The following YTHDC1 variants were observed in gnomAD, a reference collection of about 807,000 sequenced individuals.
YTHDC1 encodes the protein YTH domain-containing protein 1.
A neutral mutation model predicts 107.0 loss-of-function variants in YTHDC1; 12 were observed. The ratio of observed to expected loss-of-function variants is 0.11; its 90% CI spans 0.07 to 0.18. The LOEUF (loss-of-function observed/expected upper bound fraction) is 0.18. YTHDC1 is among the 10% of genes least tolerant of loss of function. The probability of loss-of-function intolerance (pLI) is 1.00; values close to 1 mark genes in which losing one functional copy is unlikely to be tolerated. For missense variants in YTHDC1, 635 were observed against 898.8 expected (o/e 0.71, Z 3.75); for synonymous variants, 280 against 289.5 (o/e 0.97, Z 0.33).
chr4:68,332,964 C>G, intron 5 of YTHDC1, 117 bp from the exon 6 acceptor site: 1 of 832,160 alleles, frequency 1.2e-6, no homozygotes, highest in Non-Finnish European at 1.9e-6. Context: ...CCTGGCGCAC[C>G]CACACACACA....
At chr4:68,338,034 T>A (rs1239792271) in intron 2 of YTHDC1, 134 bp from the exon 3 acceptor site, 2 of 1,459,490 alleles carry the variant, frequency 1.4e-6, no homozygotes. Flanking sequence ...CTGAGAGATT[T>A]CTTCTCCAGA....
chr4:68,335,810 C>A (rs1724094776), intron 4 of YTHDC1, among the ~76,000 whole-genome samples: 1 of 151,430 alleles, frequency 6.6e-6, no homozygotes, highest in Non-Finnish European at 1.5e-5. Flanking sequence ...TATGTTTTTA[C>A]AACAAATCCA....
chr4:68,312,288 GTCTC>G lies in YTHDC1; in HGVS notation c.*1807_*1810del, dbSNP rs1200816207. The G allele has an allele frequency of 6.6e-6, 1 of 152,102 alleles. No homozygotes were observed. The highest frequency in any genetic ancestry group is 1.5e-5 in the Non-Finnish European group (1 of 68,010). 9.4% of individuals were successfully genotyped at this position (152,102 alleles called of 1,614,324 possible). ...ATGAGTCTGTATATAAAAGCACAAA[GTCTC>G]TATTGCATACAAAGTGCTCAGTATT... On this transcript the variant is annotated 3_prime_UTR_variant, in exon 17 of 17. Transcript: ENST00000344157.
rs771969529 is a variant in YTHDC1 at position 68,311,065 on chromosome 4, G to C, written c.*3034C>G. 2.6e-5 allele frequency: 4 copies of C among 152,108 alleles called. No homozygotes were observed. Among genetic ancestry groups the C allele is most frequent in the Admixed American group, 6.6e-5 (1 of 15,266 alleles). 9.4% of individuals were successfully genotyped at this position (152,108 alleles called of 1,614,324 possible). A position where few individuals can be genotyped will look rare whatever the true frequency, so the allele number is the denominator to read the frequency against. On this transcript the variant is annotated 3_prime_UTR_variant, in exon 17 of 17. Coordinates refer to ENST00000344157, the MANE Select transcript of YTHDC1 (RefSeq NM_001031732.4). ...TCCTTCCTGATGTAATCCTCACAGA[G>C]GTGACCATAACATGTGCCTCTCTTG...
At chr4:68,331,387 C>T (rs1255487672) in intron 7 of YTHDC1, among the ~76,000 whole-genome samples, 1 of 151,858 alleles carries the variant, frequency 6.6e-6, no homozygotes, top group Non-Finnish European at 1.5e-5. Flanking sequence ...TAGGGGTAGT[C>T]CTTAAGGTAG....
Position 68,338,323 on chromosome 4 carries a change from C to G in YTHDC1, c.90G>C (p.Leu30=), listed in dbSNP as rs1469652190. The G allele has an allele frequency of 2.5e-6, 4 of 1,609,002 alleles. No individual in the cohort carries two copies. In the East Asian group the frequency reaches 8.9e-5, roughly 36 times the overall value. The change falls in exon 2 of 17, where the codon CTG becomes CTC. Residue 30 remains leucine (L), a synonymous_variant. Transcript: ENST00000344157. ...LTEVPEQDDE[L]YNPESEQDKN... ...TATCTTGTTCACTCTCTGGATTATA[C>G]AGTTCATCATCTTGTTCTGGTACTT...
rs1425242727 is a variant in YTHDC1 at position 68,337,012 on chromosome 4, TA to T, written c.883+14del. 2 of 1,556,690 alleles carry T rather than the reference TA, an allele frequency of 1.3e-6. No individual in the cohort carries two copies. On this transcript the variant is annotated intron_variant, in intron 4 of 16. Transcript: ENST00000344157. ...GCTTTTTTTAAGACAAACTTTTACA[TA>T]TAAAAAGTAGTACCTGATCCATCTG...
chr4:68,331,540 A>G lies in YTHDC1; in HGVS notation c.1122+563T>C, dbSNP rs73823658. ...AACAGCTAGTGTAACACAAAAATGT[A>G]TTTTTGTAGCCAAACATAAAAAGAA... On this transcript the variant is annotated intron_variant, in intron 7 of 16. Transcript: ENST00000344157. Among the ~76,000 whole-genome samples, 532 of 152,278 alleles carry G rather than the reference A, an allele frequency of 3.5e-3. 6 individuals carry two copies. Among genetic ancestry groups the G allele is most frequent in the African/African-American group, 0.012 (510 of 41,574 alleles).
In YTHDC1 at chr4:68,332,819, T is replaced by C; in HGVS notation, c.1002A>G (p.Ser334=). ...AGSEKKHEKL[S]SSVRAVRKDQ... ...CTTTTCGGACAGCACGAACGGAAGA[T>C]GATAATTTCTCATGCTTCTTTTCTG... The change falls in exon 6 of 17, where the codon TCA becomes TCG. Residue 334 remains serine (S), a synonymous_variant. Coordinates refer to ENST00000344157, the MANE Select transcript of YTHDC1 (RefSeq NM_001031732.4). The C allele has an allele frequency of 6.2e-7, 1 of 1,613,430 alleles. No homozygotes were observed. The highest frequency in any genetic ancestry group is 8.5e-7 in the Non-Finnish European group (1 of 1,179,648).
Position 68,313,611 on chromosome 4 carries a change from AAAAC to A in YTHDC1, c.*484_*487del, listed in dbSNP as rs1721488559. On this transcript the variant is annotated 3_prime_UTR_variant, in exon 17 of 17. Transcript: ENST00000344157. The stretch of plus-strand genomic sequence containing the variant: ...TTTAAAAAAAGAGGCAATGGGGAAA[AAAAC>A]AAGAGGCTGCTACAACACTGCCATA... 1 of 153,520 alleles carries A rather than the reference AAAAC, an allele frequency of 6.5e-6. No homozygotes were observed. Among genetic ancestry groups the A allele is most frequent in the Non-Finnish European group, 1.5e-5 (1 of 68,694 alleles). The allele number at this position is 153,520 out of a possible 1,614,324, so 9.5% of individuals were successfully genotyped here. A position where few individuals can be genotyped will look rare whatever the true frequency, so the allele number is the denominator to read the frequency against.
Position 68,312,102 on chromosome 4 carries a change from C to G in YTHDC1, c.*1997G>C, listed in dbSNP as rs1721352455. The G allele has an allele frequency of 6.6e-6, 1 of 152,188 alleles. No homozygotes were observed. The highest frequency in any genetic ancestry group is 6.5e-5 in the Admixed American group (1 of 15,274). The allele number at this position is 152,188 out of a possible 1,614,324, so 9.4% of individuals were successfully genotyped here. A position where few individuals can be genotyped will look rare whatever the true frequency, so the allele number is the denominator to read the frequency against. On this transcript the variant is annotated 3_prime_UTR_variant, in exon 17 of 17. Transcript: ENST00000344157. ...ATGCCACTGCCCTCCACCTGGGCGA[C>G]AGACTCCATCTCCAAAACATTTATT...
In YTHDC1 at chr4:68,349,907, G is replaced by T; in HGVS notation, c.-154C>A. 1 of 991,504 alleles carries T rather than the reference G, an allele frequency of 1.0e-6. No homozygotes were observed. Among genetic ancestry groups the T allele is most frequent in the Non-Finnish European group, 1.5e-6 (1 of 657,888 alleles). The allele number at this position is 991,504 out of a possible 1,614,324, so 61.4% of individuals were successfully genotyped here. A position where few individuals can be genotyped will look rare whatever the true frequency, so the allele number is the denominator to read the frequency against. On this transcript the variant is annotated 5_prime_UTR_variant, in exon 1 of 17. Transcript: ENST00000344157. ...TGGCCTCTTAACACTCAGCCTTCTC[G>T]ACTCTTCCCGCTTTTTCCCTTTCTC...
chr4:68,335,976 G>C (rs947733653), intron 4 of YTHDC1, among the ~76,000 whole-genome samples: 1 of 147,172 alleles, frequency 6.8e-6, no homozygotes, highest in Non-Finnish European at 1.5e-5. Context: ...ATGTAGTATA[G>C]ATATATACTA....
At position 68,333,074 on chromosome 4, in the gene YTHDC1, T is replaced by A. The variant is rs575931423; in HGVS notation, c.974-227A>T. The stretch of plus-strand genomic sequence containing the variant: ...AACAGTTTCCCACTCAGAAAACTAG[T>A]CACTGAATCATCATCTTCCAAGAAA... On this transcript the variant is annotated intron_variant, in intron 5 of 16. Transcript: ENST00000344157. Among the ~76,000 whole-genome samples, 5 of 152,200 alleles carry A rather than the reference T, an allele frequency of 3.3e-5. No homozygotes were observed. In the South Asian group the frequency reaches 1.0e-3, roughly 32 times the overall value.
In YTHDC1 at chr4:68,341,148, G is replaced by A. The variant is rs527703650; in HGVS notation, c.29-2764C>T. On this transcript the variant is annotated intron_variant, in intron 1 of 16. Transcript: ENST00000344157. Reference sequence around the variant, plus strand: ...TCATTACTTTGCAGATAAAGAAAGAGAAGCTCAAATGTTCCAGTTGACCAA... The same window carrying A: ...TCATTACTTTGCAGATAAAGAAAGAAAAGCTCAAATGTTCCAGTTGACCAA... Among the ~76,000 whole-genome samples the A allele has an allele frequency of 6.4e-4, 98 of 152,200 alleles. 1 individual carries two copies. The highest frequency in any genetic ancestry group is 9.6e-4 in the African/African-American group (40 of 41,544).
At chr4:68,348,720 C>T (rs541091689) in intron 1 of YTHDC1, among the ~76,000 whole-genome samples, 12 of 152,256 alleles carry the variant, frequency 7.9e-5, no homozygotes, top group African/African-American at 2.6e-4. Flanking sequence ...TGTAACTTGA[C>T]TCTAGAGCCC....
intron 16 of YTHDC1, among the ~76,000 whole-genome samples, chr4:68,314,779 T>C (rs1357177518): frequency 1.3e-5 from 2 of 152,186 alleles, no homozygotes; most frequent in Non-Finnish European, 2.9e-5. Context: ...ACAAACTGAG[T>C]ATTATGTTCC....
intron 1 of YTHDC1, among the ~76,000 whole-genome samples, chr4:68,342,693 T>C (rs907586236): frequency 6.6e-6 from 1 of 152,236 alleles, no homozygotes; most frequent in African/African-American, 2.4e-5. Flanking sequence ...TCTGGCCATA[T>C]TCTTCACTGA....
At position 68,332,860 on chromosome 4, in the gene YTHDC1, A is replaced by C; in HGVS notation, c.974-13T>G. On this transcript the variant is annotated splice_polypyrimidine_tract_variant and intron_variant, in intron 5 of 16. Transcript: ENST00000344157. ...TTCTTTTCTGAACCTGTATTTAGCC[A>C]AAGTACATTTGTTCAGATTGAGCTT... is the stretch of plus-strand genomic sequence containing the variant. 6.2e-7 allele frequency: 1 copy of C among 1,611,520 alleles called. No individual in the cohort carries two copies. Among genetic ancestry groups the C allele is most frequent in the Non-Finnish European group, 8.5e-7 (1 of 1,178,344 alleles).
Sources: gnomAD v4.1 joint callset for allele counts (sites outside exome capture counted in the v4.1 genomes callset) on GRCh38, gnomAD v4.1.1 for gene constraint, MANE v1.5 for transcripts, NCBI Gene and HGNC (gene_info 2026-07-23, HGNC 2026-07-21) for gene names.